The following C12orf42 variants were observed in gnomAD, a reference collection of about 807,000 sequenced individuals.
C12orf42 encodes chromosome 12 open reading frame 42.
C12orf42 carries 25 observed loss-of-function variants against 21.6 expected under a neutral mutation model. The observed-to-expected ratio is 1.16, with a 90% CI of 0.84 to 1.62. The LOEUF (loss-of-function observed/expected upper bound fraction) is 1.62, where lower values mean the gene tolerates loss of function less well. Among genes scored for constraint, C12orf42 ranks in the 40% most tolerant of loss-of-function variants. C12orf42 has a pLI of 0.00. For missense variants in C12orf42, 483 were observed against 459.3 expected (o/e 1.05, Z -0.47); for synonymous variants, 174 against 175.0 (o/e 0.99, Z 0.05).
At chr12:103,145,836 T>C in the C12orf42 span, among the ~76,000 whole-genome samples, 1 of 152,140 alleles carries the variant, frequency 6.6e-6, no homozygotes, top group Non-Finnish European at 1.5e-5. Flanking sequence ...TATAGATATG[T>C]AAAATATGTT....
the C12orf42 span, chr12:103,168,337 C>T: frequency 3.6e-6 from 1 of 280,608 alleles, no homozygotes; most frequent in Admixed American, 4.9e-5. Context: ...GAGCAGATAA[C>T]ATATTTAAGA....
chr12:103,049,596 T>C, the C12orf42 span, among the ~76,000 whole-genome samples: 38 of 152,296 alleles, frequency 2.5e-4, no homozygotes, highest in East Asian at 4.4e-3. Context: ...CCCAACGTTT[T>C]CTCTTCTTTT....
intron 1 of C12orf42, among the ~76,000 whole-genome samples, chr12:103,481,976 A>C (rs1386067947): frequency 6.6e-6 from 1 of 152,094 alleles, no homozygotes; most frequent in Non-Finnish European, 1.5e-5. Flanking sequence ...TCTTGTAAAT[A>C]AAACAAGGTT....
the C12orf42 span, among the ~76,000 whole-genome samples, chr12:103,175,076 A>T: frequency 6.6e-6 from 1 of 152,196 alleles, no homozygotes; most frequent in Admixed American, 6.5e-5. Context: ...TTTGCTCAAA[A>T]TGCAAGGATA....
At chr12:103,261,050 A>C (rs566310951) in intron 10 of C12orf42, among the ~76,000 whole-genome samples, 2 of 152,234 alleles carry the variant, frequency 1.3e-5, no homozygotes, top group East Asian at 3.9e-4. Flanking sequence ...AATTGTTCAA[A>C]ATTTTTCTTG....
At chr12:103,096,152 T>G in the C12orf42 span, among the ~76,000 whole-genome samples, 1 of 152,216 alleles carries the variant, frequency 6.6e-6, no homozygotes. Context: ...ACTGAGTTTT[T>G]GGCCATTGCT....
At chr12:103,410,986 G>A (rs936401061) in intron 2 of C12orf42, among the ~76,000 whole-genome samples, 4 of 152,118 alleles carry the variant, frequency 2.6e-5, no homozygotes, top group African/African-American at 7.2e-5. Context: ...TACCAAGCAA[G>A]GAGGATTTGA....
At chr12:103,146,608 G>GAAAGAA in the C12orf42 span, among the ~76,000 whole-genome samples, 1 of 147,430 alleles carries the variant, frequency 6.8e-6, no homozygotes, top group Non-Finnish European at 1.5e-5. Flanking sequence ...AAGAAAGAAA[G>GAAAGAA]AAAAAGAAAA....
At chr12:103,464,192 C>T (rs1011126232) in intron 2 of C12orf42, among the ~76,000 whole-genome samples, 10 of 152,182 alleles carry the variant, frequency 6.6e-5, no homozygotes, top group Non-Finnish European at 1.5e-5. Context: ...TTCCCACCAA[C>T]AGTGTAAAAG....
At chr12:103,222,218 A>C in the C12orf42 span, among the ~76,000 whole-genome samples, 1 of 152,052 alleles carries the variant, frequency 6.6e-6, no homozygotes, top group Admixed American at 6.5e-5. Context: ...AAAGAGAGTC[A>C]GCGAAGGGAG....
chr12:103,469,232 C>A (rs1953390106), intron 2 of C12orf42, among the ~76,000 whole-genome samples: 1 of 152,188 alleles, frequency 6.6e-6, no homozygotes, highest in East Asian at 1.9e-4. Flanking sequence ...AAGGCATGAA[C>A]CTTCAAGCTC....
At chr12:103,155,553 C>A in the C12orf42 span, among the ~76,000 whole-genome samples, 1 of 152,080 alleles carries the variant, frequency 6.6e-6, no homozygotes, top group African/African-American at 2.4e-5. Flanking sequence ...GCCTCTCTCT[C>A]TCCCAGAGAG....
rs746954700 is a variant in C12orf42, at chr12:103,368,998, G to C, written c.148C>G (p.His50Asp). The C allele has an allele frequency of 6.4e-7, 1 of 1,553,862 alleles. No homozygotes were observed. The highest frequency in any genetic ancestry group is 8.8e-7 in the Non-Finnish European group (1 of 1,136,678). The change falls in exon 4 of 6, where the codon CAC becomes GAC. Residue 50 changes from histidine to aspartate, a missense_variant and splice_region_variant. His to Asp is a moderately conservative substitution (Grantham distance 81). Coordinates refer to ENST00000548883, the MANE Select transcript of C12orf42 (RefSeq NM_198521.5). ...GAAGTTCTTTCATAACAAGGGATGT[G>C]CTGTAAGATAGAGGAGAAAAATACA... ...LWDRSTPSAKHIPCYERTSVP... is the reference protein window; with the variant it reads ...LWDRSTPSAKDIPCYERTSVP...
At chr12:103,424,426 A>G (rs1168344818) in intron 2 of C12orf42, among the ~76,000 whole-genome samples, 4 of 152,240 alleles carry the variant, frequency 2.6e-5, no homozygotes. Flanking sequence ...ACTCCCAGCA[A>G]GATCAACACA....
intron 1 of C12orf42, among the ~76,000 whole-genome samples, chr12:103,480,541 C>T (rs1954391341): frequency 6.6e-6 from 1 of 151,386 alleles, no homozygotes; most frequent in South Asian, 2.1e-4. Context: ...ACTGTTTAGT[C>T]TTCTTTTCTA....
chr12:103,166,923 G>C, the C12orf42 span, among the ~76,000 whole-genome samples: 1 of 152,100 alleles, frequency 6.6e-6, no homozygotes, highest in Non-Finnish European at 1.5e-5. Flanking sequence ...TATTATAAGT[G>C]TTATTAGTCT....
At chr12:103,225,528 G>T in the C12orf42 span, among the ~76,000 whole-genome samples, 19 of 152,178 alleles carry the variant, frequency 1.2e-4, no homozygotes, top group African/African-American at 4.3e-4. Context: ...GTGGGTTAAG[G>T]TGGGGGGATA....
At chr12:103,245,571 C>T (rs1051408429) in intron 10 of C12orf42, among the ~76,000 whole-genome samples, 3 of 152,076 alleles carry the variant, frequency 2.0e-5, no homozygotes, top group Middle Eastern at 3.4e-3. Flanking sequence ...GCCAGGAGCA[C>T]TCTAAGCACT....
intron 5 of C12orf42, among the ~76,000 whole-genome samples, chr12:103,272,935 T>C (rs1377567329): frequency 6.6e-6 from 1 of 152,208 alleles, no homozygotes; most frequent in African/African-American, 2.4e-5. Context: ...TTCCAGACTC[T>C]CCGCTTCTAG....
Sources: gnomAD v4.1 joint callset for allele counts (sites outside exome capture counted in the v4.1 genomes callset) on GRCh38, gnomAD v4.1.1 for gene constraint, MANE v1.5 for transcripts, NCBI Gene and HGNC (gene_info 2026-07-23, HGNC 2026-07-21) for gene names.